HMX1: variants seen among roughly 807,000 people sequenced by gnomAD.
HMX1 encodes homeobox protein HMX1.
In HMX1, 8 loss-of-function variants were observed where a neutral mutation model predicts 8.9. The observed-to-expected ratio is 0.90, with a 90% confidence interval of 0.53 to 1.63. The LOEUF (loss-of-function observed/expected upper bound fraction) is 1.63. HMX1 is among the 40% of genes most tolerant of loss of function. The pLI, the probability that HMX1 is intolerant of heterozygous loss-of-function variation, is 0.00. For synonymous variants in HMX1, 311 were observed against 283.4 expected (o/e 1.10, Z -0.98); for missense variants, 621 against 558.5 (o/e 1.11, Z -1.13).
rs1722211479 is a variant in HMX1 at position 8,871,349 on chromosome 4, G to A, written c.266C>T (p.Pro89Leu). 1.6e-6 allele frequency: 2 copies of A among 1,262,214 alleles called. No homozygotes were observed. The highest frequency in any genetic ancestry group is 2.0e-6 in the Non-Finnish European group (2 of 1,006,088). The allele number at this position is 1,262,214 out of a possible 1,614,324, so 78.2% of individuals were successfully genotyped here. A position where few individuals can be genotyped will look rare whatever the true frequency, so the allele number is the denominator to read the frequency against. The change falls in exon 1 of 2, where the codon CCG becomes CTG. Residue 89 changes from proline to leucine, a missense_variant. Pro to Leu is a moderately conservative substitution (Grantham distance 98). Transcript: ENST00000400677. The surrounding 1 kb of genome is among the most constrained non-coding windows in gnomAD (Gnocchi z 4.8). ...GEARARALLG[P>L]GALGLGPRPP... is the part of the protein sequence containing the mutation. ...CCGAGGACCGAGGCCCAGCGCGCCC[G>A]GCCCGAGCAGCGCACGGGCCCGCGC...
At chr4:8,852,050 A>G (rs1451031989) in intron 1 of HMX1, among the ~76,000 whole-genome samples, 2 of 152,216 alleles carry the variant, frequency 1.3e-5, no homozygotes, top group Non-Finnish European at 2.9e-5. Context: ...GTGGGAGTGC[A>G]ATCCAGGGTC....
At chr4:8,846,914 CT>C (rs1721294005) in intron 1 of HMX1, among the ~76,000 whole-genome samples, 1 of 152,206 alleles carries the variant, frequency 6.6e-6, no homozygotes, top group African/African-American at 2.4e-5. Context: ...TTTAGTGCTT[CT>C]TTTTAGCCCA....
chr4:8,850,847 G>A lies in HMX1; in HGVS notation c.395-4523C>T, dbSNP rs371799781. 1.2e-3 allele frequency among the ~76,000 whole-genome samples: 180 copies of A among 152,362 alleles called. 1 individual carries two copies. The highest frequency in any genetic ancestry group is 3.9e-3 in the African/African-American group (161 of 41,598). ...CCCAGGCTCCTGAGAGGCTGGGACTGTTGCCGCCAGTGTTGTCTGGAATCC... is the reference window on the plus strand; with the variant it reads ...CCCAGGCTCCTGAGAGGCTGGGACTATTGCCGCCAGTGTTGTCTGGAATCC... On this transcript the variant is annotated intron_variant, in intron 1 of 1. Coordinates refer to the HMX1 transcript ENST00000506970.
At chr4:8,865,891 G>A (rs1238052363), downstream of HMX1, among the ~76,000 whole-genome samples, 1 of 152,242 alleles carries the variant, frequency 6.6e-6, no homozygotes, top group Non-Finnish European at 1.5e-5. Context: ...CACAAGCCTG[G>A]GAAGGGCTGG....
In HMX1 at chr4:8,849,660, G is replaced by A. The variant is rs1044704066; in HGVS notation, c.395-3336C>T. ...AGGGCAGCTCTCCTGGGGTCCCCCCGGCCCCAGCGTGCGGTCTTCAACTGT... is the reference window on the plus strand; with the variant it reads ...AGGGCAGCTCTCCTGGGGTCCCCCCAGCCCCAGCGTGCGGTCTTCAACTGT... On this transcript the variant is annotated intron_variant, in intron 1 of 1. Coordinates refer to the HMX1 transcript ENST00000506970. This position sits in a 1 kb window ranked among gnomAD's most constrained non-coding sequence, Gnocchi z 6.6. 4.6e-5 allele frequency among the ~76,000 whole-genome samples: 7 copies of A among 152,170 alleles called. No individual in the cohort carries two copies. The highest frequency in any genetic ancestry group is 5.9e-5 in the Non-Finnish European group (4 of 68,018).
In HMX1 at chr4:8,867,239, C is replaced by A; in HGVS notation, c.*454G>T. On this transcript the variant is annotated 3_prime_UTR_variant, in exon 2 of 2. Coordinates refer to ENST00000400677, the MANE Select transcript of HMX1 (RefSeq NM_018942.3). ...GGGTAGCACAGCCCTCCGGGCCGGC[C>A]TGCTGTCTGGGTCCCAGGAAAGGGA... 1 of 986,056 alleles carries A rather than the reference C, an allele frequency of 1.0e-6. No individual in the cohort carries two copies. The highest frequency in any genetic ancestry group is 1.2e-6 in the Non-Finnish European group (1 of 830,366). 61.1% of individuals were successfully genotyped at this position (986,056 alleles called of 1,614,324 possible).
intron 1 of HMX1, among the ~76,000 whole-genome samples, chr4:8,852,049 C>A (rs1166507857): frequency 6.6e-6 from 1 of 152,266 alleles, no homozygotes; most frequent in African/African-American, 2.4e-5. Context: ...AGTGGGAGTG[C>A]AATCCAGGGT....
intron 1 of HMX1, among the ~76,000 whole-genome samples, chr4:8,858,035 C>T (rs555990838): frequency 6.6e-6 from 1 of 151,734 alleles, no homozygotes; most frequent in South Asian, 2.1e-4. Context: ...GCCATTAGGG[C>T]TAATGCGATG....
At chr4:8,861,582 G>A (rs1721824098) in intron 1 of HMX1, among the ~76,000 whole-genome samples, 1 of 152,184 alleles carries the variant, frequency 6.6e-6, no homozygotes. Context: ...GACAGGCGAA[G>A]GGGACCGCGG....
intron 1 of HMX1, among the ~76,000 whole-genome samples, chr4:8,856,113 C>T (rs1355830112): frequency 1.3e-5 from 2 of 152,156 alleles, no homozygotes; most frequent in African/African-American, 4.8e-5. Context: ...CCGCTGTGAG[C>T]GCTGGACCGT....
chr4:8,857,845 C>G (rs559796903), intron 1 of HMX1, among the ~76,000 whole-genome samples: 40 of 152,264 alleles, frequency 2.6e-4, no homozygotes, highest in African/African-American at 9.1e-4. Context: ...GAGAAGTGCG[C>G]TCCTCCAGGG....
rs2109473411 is a variant in HMX1, at chr4:8,868,164, T to G, written c.576A>C (p.Thr192=). 6.7e-7 allele frequency: 1 copy of G among 1,501,652 alleles called. No homozygotes were observed. Among genetic ancestry groups the G allele is most frequent in the African/African-American group, 1.4e-5 (1 of 69,638 alleles). 93.0% of individuals were successfully genotyped at this position (1,501,652 alleles called of 1,614,324 possible). A position where few individuals can be genotyped will look rare whatever the true frequency, so the allele number is the denominator to read the frequency against. ...CGCCGCCCACGCCAACGCCGCCGCG[T>G]GTCTCCCCAGCCGCCGCAGGGACCT... ...LAEVPAAAGE[T]RGGVGVGGGR... is the part of the protein sequence containing the mutation. The change falls in exon 2 of 2, where the codon ACA becomes ACC. Residue 192 remains threonine (T), a synonymous_variant. Coordinates refer to ENST00000400677, the MANE Select transcript of HMX1 (RefSeq NM_018942.3). This position sits in a 1 kb window ranked among gnomAD's most constrained non-coding sequence, Gnocchi z 4.6.
chr4:8,867,844 G>T lies in HMX1; in HGVS notation c.896C>A (p.Pro299Gln), dbSNP rs539490551. 2 of 1,235,200 alleles carry T rather than the reference G, an allele frequency of 1.6e-6. No homozygotes were observed. Among genetic ancestry groups the T allele is most frequent in the Non-Finnish European group, 2.0e-6 (2 of 990,822 alleles). The allele number at this position is 1,235,200 out of a possible 1,614,324, so 76.5% of individuals were successfully genotyped here. A position where few individuals can be genotyped will look rare whatever the true frequency, so the allele number is the denominator to read the frequency against. The change falls in exon 2 of 2, where the codon CCG (proline) becomes CAG (glutamine). Residue 299 changes from proline to glutamine, a missense_variant. By Grantham distance (76) the Pro-to-Gln change is moderately conservative. Transcript: ENST00000400677. ...CGCCAGCGGGAAGGGCAGGGTGGCCGGGGGCCCAGCGGCGGCTGCGGCCGG... is the reference window on the plus strand; with the variant it reads ...CGCCAGCGGGAAGGGCAGGGTGGCCTGGGGCCCAGCGGCGGCTGCGGCCGG... ...SPPAAAAAGP[P>Q]ATLPFPLAPA...
chr4:8,854,177 G>GT (rs1467523308), intron 1 of HMX1, among the ~76,000 whole-genome samples: 1 of 152,176 alleles, frequency 6.6e-6, no homozygotes, highest in Non-Finnish European at 1.5e-5. Flanking sequence ...CAGCCAGGCA[G>GT]TGGGGGGTCG....
rs146878852 is a variant in HMX1 at position 8,850,313 on chromosome 4, C to T, written c.395-3989G>A. 8.2e-3 allele frequency among the ~76,000 whole-genome samples: 1,250 copies of T among 152,264 alleles called. 19 individuals are homozygous for T. Among genetic ancestry groups the T allele is most frequent in the African/African-American group, 0.029 (1,192 of 41,538 alleles). ...CACAGTGTGGGAGTCCCAGGCACCACCTTGGGGTGGTCAGCTCTGCCCCGA... is the reference window on the plus strand; with the variant it reads ...CACAGTGTGGGAGTCCCAGGCACCATCTTGGGGTGGTCAGCTCTGCCCCGA... On this transcript the variant is annotated intron_variant, in intron 1 of 1. Coordinates refer to the HMX1 transcript ENST00000506970.
chr4:8,857,987 G>A (rs1049904326), intron 1 of HMX1, among the ~76,000 whole-genome samples: 1 of 152,028 alleles, frequency 6.6e-6, no homozygotes, highest in Non-Finnish European at 1.5e-5. Context: ...AAGCCGAGGG[G>A]TGGCTTTTAA....
At chr4:8,852,372 C>G (rs533620233) in intron 1 of HMX1, among the ~76,000 whole-genome samples, 28 of 152,338 alleles carry the variant, frequency 1.8e-4, no homozygotes, top group Middle Eastern at 3.4e-3. Flanking sequence ...ACGACCTTGG[C>G]TATCATTTTT....
rs1048581367 is a variant in HMX1, at chr4:8,870,695, T to G, written c.394+526A>C. Among the ~76,000 whole-genome samples the G allele has an allele frequency of 6.6e-6, 1 of 150,656 alleles. No individual in the cohort carries two copies. Among genetic ancestry groups the G allele is most frequent in the Non-Finnish European group, 1.5e-5 (1 of 67,672 alleles). On this transcript the variant is annotated intron_variant, in intron 1 of 1. Coordinates refer to ENST00000400677, the MANE Select transcript of HMX1 (RefSeq NM_018942.3). This position sits in a 1 kb window ranked among gnomAD's most constrained non-coding sequence, Gnocchi z 4.4. ...TGCACCCTCTGCTCAATGCCCCCTT[T>G]TATTTTTCCACGTCTGATGCTACTT...
rs1431398096 is a variant in HMX1 at position 8,870,391 on chromosome 4, G to T, written c.394+830C>A. Among the ~76,000 whole-genome samples the T allele has an allele frequency of 6.6e-6, 1 of 152,080 alleles. No individual in the cohort carries two copies. The highest frequency in any genetic ancestry group is 1.5e-5 in the Non-Finnish European group (1 of 67,986). On this transcript the variant is annotated intron_variant, in intron 1 of 1. Transcript: ENST00000400677. The surrounding 1 kb of genome is among the most constrained non-coding windows in gnomAD (Gnocchi z 4.4). ...AGATACCCAAGCAAGGGGGCAAAGG[G>T]GTTCTGGGGTTGAGAACCCCCAGCC...
Sources: gnomAD v4.1 joint callset for allele counts (sites outside exome capture counted in the v4.1 genomes callset) on GRCh38, gnomAD v4.1.1 for gene constraint, Gnocchi (gnomAD v3.1) non-coding constraint, MANE v1.5 for transcripts, NCBI Gene and HGNC (gene_info 2026-07-23, HGNC 2026-07-21) for gene names.